The following TMPRSS13 variants were observed in gnomAD, a reference collection of about 807,000 sequenced individuals.
The protein encoded by TMPRSS13 is transmembrane serine protease 13.
In TMPRSS13, 50 loss-of-function variants were observed where a neutral mutation model predicts 68.4. That is an observed-to-expected ratio of 0.73 (90% confidence interval 0.58 to 0.93). The LOEUF is 0.93. Ranked by LOEUF, TMPRSS13 falls within the 40% of genes least tolerant of loss-of-function variation. The pLI, the probability that TMPRSS13 is intolerant of heterozygous loss-of-function variation, is 0.00. For synonymous variants in TMPRSS13, 267 were observed against 285.8 expected (o/e 0.93, Z 0.66); for missense variants, 615 against 729.2 (o/e 0.84, Z 1.80).
chr11:117,910,456 G>A (rs543419652), intron 7 of TMPRSS13: 1 of 496,826 alleles, frequency 2.0e-6, no homozygotes, highest in South Asian at 3.6e-5. Context: ...CTGATGCACA[G>A]AAGACTCAGA....
Position 117,918,401 on chromosome 11 carries a change from C to T in TMPRSS13, c.451+8G>A. 1.9e-6 allele frequency: 3 copies of T among 1,612,444 alleles called. No homozygotes were observed. Among genetic ancestry groups the T allele is most frequent in the Non-Finnish European group, 2.5e-6 (3 of 1,178,640 alleles). On this transcript the variant is annotated splice_region_variant and intron_variant, in intron 2 of 12. Coordinates refer to ENST00000524993, the MANE Select transcript of TMPRSS13 (RefSeq NM_001077263.3). ...TCTCTCGTGGCTTCCCTACAGCATCCCCCTTACCTGGGCTCTCCCTGGTGG... is the reference window on the plus strand; with the variant it reads ...TCTCTCGTGGCTTCCCTACAGCATCTCCCTTACCTGGGCTCTCCCTGGTGG...
chr11:117,926,625 A>C (rs1345680247), intron 1 of TMPRSS13, among the ~76,000 whole-genome samples: 1 of 152,240 alleles, frequency 6.6e-6, no homozygotes. Flanking sequence ...AAAAATGAGA[A>C]TTGAAAAAGC....
intron 5 of TMPRSS13, among the ~76,000 whole-genome samples, chr11:117,913,009 G>A (rs1467159032): frequency 6.6e-6 from 1 of 152,082 alleles, no homozygotes; most frequent in South Asian, 2.1e-4. Flanking sequence ...AGGCTGAGGT[G>A]GGGTGGAGAA....
rs2057738189 is a variant in TMPRSS13 at position 117,929,378 on chromosome 11, C to T, written c.-71G>A. The stretch of plus-strand genomic sequence containing the variant: ...GAAGATCCATCTTGGTCCCTGGCTT[C>T]TCAGGCATGTAGGGTAAAGGAGTTG... On this transcript the variant is annotated 5_prime_UTR_variant, in exon 1 of 13. Transcript: ENST00000524993. The T allele has an allele frequency of 6.8e-7, 1 of 1,479,144 alleles. No homozygotes were observed. Among genetic ancestry groups the T allele is most frequent in the African/African-American group, 1.4e-5 (1 of 71,832 alleles). The allele number at this position is 1,479,144 out of a possible 1,614,324, so 91.6% of individuals were successfully genotyped here.
At position 117,914,518 on chromosome 11, in the gene TMPRSS13, G is replaced by C. The variant is rs1591624244; in HGVS notation, c.557-4C>G. 1 of 1,613,712 alleles carries C rather than the reference G, an allele frequency of 6.2e-7. No homozygotes were observed. ...GTGTGGCCCTGCCAGAACTGGACTA[G>C]AGAAAAAGAAGCAGACAGCTGGGTC... On this transcript the variant is annotated splice_polypyrimidine_tract_variant and splice_region_variant and intron_variant, in intron 3 of 12. Transcript: ENST00000524993. This position sits in a 1 kb window ranked among gnomAD's most constrained non-coding sequence, Gnocchi z 4.2.
chr11:117,903,858 CG>C, intron 11 of TMPRSS13, 51 bp from the exon 12 acceptor site: 1 of 1,599,178 alleles, frequency 6.3e-7, no homozygotes, highest in Non-Finnish European at 8.5e-7. Flanking sequence ...GGTCCATGAG[CG>C]GGAAAGGGTG....
intron 1 of TMPRSS13, among the ~76,000 whole-genome samples, chr11:117,923,122 T>A (rs113017158): frequency 5.9e-5 from 9 of 152,276 alleles, no homozygotes; most frequent in African/African-American, 2.2e-4. Context: ...GCATTTTTAC[T>A]CCCACTTTAC....
chr11:117,926,419 T>A (rs2057708431), intron 1 of TMPRSS13, among the ~76,000 whole-genome samples: 1 of 151,998 alleles, frequency 6.6e-6, no homozygotes, highest in African/African-American at 2.4e-5. Flanking sequence ...CTGGAAAGGG[T>A]GCCTTATCCT....
chr11:117,906,997 C>A (rs968096478), intron 9 of TMPRSS13, among the ~76,000 whole-genome samples: 3 of 152,118 alleles, frequency 2.0e-5, no homozygotes, highest in African/African-American at 7.2e-5. Flanking sequence ...TGCTTCCTGC[C>A]CAAAAGCCTA....
chr11:117,910,681 A>G (rs1231603138), intron 7 of TMPRSS13, 26 bp downstream of exon 7: 1 of 1,602,776 alleles, frequency 6.2e-7, no homozygotes, highest in African/African-American at 1.3e-5. Context: ...GACACTGGCC[A>G]CAATCCAAGA....
At chr11:117,910,046 G>T in intron 7 of TMPRSS13, 78 bp from the exon 8 acceptor site, 1 of 1,552,228 alleles carries the variant, frequency 6.4e-7, no homozygotes, top group Admixed American at 1.7e-5. Context: ...GGATGCCTCT[G>T]CTGTGCTCCC....
At chr11:117,927,260 C>T (rs1039891051) in intron 1 of TMPRSS13, among the ~76,000 whole-genome samples, 3 of 152,184 alleles carry the variant, frequency 2.0e-5, no homozygotes, top group South Asian at 4.1e-4. Context: ...TATTCTCCTT[C>T]GGGGGACTGC....
At chr11:117,907,933 C>T in intron 9 of TMPRSS13, 1 of 985,058 alleles carries the variant, frequency 1.0e-6, no homozygotes, top group Non-Finnish European at 1.2e-6. Context: ...TCTTCTTTGA[C>T]GTCCCCTGTC....
At chr11:117,917,046 C>G in intron 3 of TMPRSS13, 124 bp downstream of exon 3, 1 of 811,518 alleles carries the variant, frequency 1.2e-6, no homozygotes, top group Non-Finnish European at 2.0e-6. Context: ...GTGTCCCTCT[C>G]TGGACACAGT....
intron 1 of TMPRSS13, among the ~76,000 whole-genome samples, chr11:117,924,221 T>C (rs2057678972): frequency 4.6e-5 from 1 of 21,576 alleles, no homozygotes; most frequent in Non-Finnish European, 2.7e-4. Context: ...CCAAGCCCTT[T>C]ATACTATTGT....
intron 12 of TMPRSS13, 85 bp downstream of exon 12, chr11:117,903,570 C>T (rs565407716): frequency 1.2e-6 from 2 of 1,601,784 alleles, no homozygotes; most frequent in African/African-American, 2.7e-5. Context: ...GGGACCTCTG[C>T]CTACAACCTG....
Position 117,902,163 on chromosome 11 carries a change from G to T in TMPRSS13, c.*76C>A. On this transcript the variant is annotated 3_prime_UTR_variant, in exon 13 of 13. Coordinates refer to ENST00000524993, the MANE Select transcript of TMPRSS13 (RefSeq NM_001077263.3). ...GTGCCCGGTGGCCATTAGCCCAGAT[G>T]ATGCCACACATGGCCAGTCACCATG... is the stretch of plus-strand genomic sequence containing the variant. The T allele has an allele frequency of 1.9e-6, 3 of 1,567,106 alleles. No individual in the cohort carries two copies. Among genetic ancestry groups the T allele is most frequent in the African/African-American group, 1.4e-5 (1 of 74,052 alleles).
At chr11:117,923,904 T>C (rs1291576978) in intron 1 of TMPRSS13, among the ~76,000 whole-genome samples, 1 of 150,204 alleles carries the variant, frequency 6.7e-6, no homozygotes, top group Non-Finnish European at 1.5e-5. Context: ...CAGTAGCTGC[T>C]TCATGGCCTG....
chr11:117,903,553 C>A, intron 12 of TMPRSS13, 102 bp downstream of exon 12: 1 of 1,584,638 alleles, frequency 6.3e-7, no homozygotes, highest in Admixed American at 1.8e-5. Flanking sequence ...AATATGGGGA[C>A]GCTGAGGGGA....
Sources: allele counts gnomAD v4.1 joint callset (sites outside exome capture counted in the v4.1 genomes callset), GRCh38; gene constraint gnomAD v4.1.1; non-coding constraint Gnocchi (gnomAD v3.1); transcripts MANE v1.5; gene names NCBI Gene and HGNC (gene_info 2026-07-23, HGNC 2026-07-21).